Variants in SNX29 observed in about 807,000 individuals in gnomAD.
SNX29 encodes the protein sorting nexin 29.
A neutral mutation model predicts 102.1 loss-of-function variants in SNX29; 78 were observed. That is an observed-to-expected ratio of 0.76 (90% confidence interval 0.64 to 0.92). The LOEUF (loss-of-function observed/expected upper bound fraction) is 0.92, where lower values mean the gene tolerates loss of function less well. SNX29 is among the 40% of genes least tolerant of loss of function. SNX29 has a pLI of 0.00. For synonymous variants in SNX29, 580 were observed against 414.5 expected, an observed-to-expected ratio of 1.40 and a Z score of -4.85; for missense variants, 1,280 against 1,061.7, an observed-to-expected ratio of 1.21 and a Z score of -2.86.
intron 18 of SNX29, among the ~76,000 whole-genome samples, chr16:12,420,735 T>A (rs1292263442): frequency 1.3e-5 from 2 of 152,078 alleles, no homozygotes; most frequent in Non-Finnish European, 1.5e-5. Context: ...GAGTACTCAG[T>A]CAAGGTGAGA....
At chr16:12,426,676 A>T (rs1360751947) in intron 18 of SNX29, among the ~76,000 whole-genome samples, 1 of 152,066 alleles carries the variant, frequency 6.6e-6, no homozygotes, top group Non-Finnish European at 1.5e-5. Context: ...AAAATTATTT[A>T]TTTTTTTGAG....
intron 15 of SNX29, among the ~76,000 whole-genome samples, chr16:12,350,856 A>G (rs540358193): frequency 6.6e-6 from 1 of 152,210 alleles, no homozygotes; most frequent in African/African-American, 2.4e-5. Context: ...AAGACCCAGA[A>G]ATCCGCATTT....
At chr16:12,542,456 C>G (rs1341139632) in intron 20 of SNX29, among the ~76,000 whole-genome samples, 1 of 152,214 alleles carries the variant, frequency 6.6e-6, no homozygotes, top group Admixed American at 6.5e-5. Flanking sequence ...CTCAGCTTCC[C>G]AAGTAGCTGG....
intron 13 of SNX29, 87 bp downstream of exon 13, chr16:12,129,845 C>A: frequency 2.5e-5 from 36 of 1,442,218 alleles, no homozygotes; most frequent in Non-Finnish European, 3.2e-5. Flanking sequence ...TGGCTCATGC[C>A]TGTAATCCCA....
At chr16:12,107,806 C>T (rs963731495) in intron 11 of SNX29, among the ~76,000 whole-genome samples, 12 of 152,086 alleles carry the variant, frequency 7.9e-5, no homozygotes, top group Non-Finnish European at 1.3e-4. Context: ...GGCCCAGAAG[C>T]AGGTGTTCTG....
intron 13 of SNX29, among the ~76,000 whole-genome samples, chr16:12,193,112 G>A (rs2076684855): frequency 6.6e-6 from 1 of 152,194 alleles, no homozygotes; most frequent in African/African-American, 2.4e-5. Context: ...TGCAATTACA[G>A]GAATGTGCCA....
chr16:12,258,306 C>T (rs537672074), intron 14 of SNX29, among the ~76,000 whole-genome samples: 4 of 152,320 alleles, frequency 2.6e-5, no homozygotes, highest in African/African-American at 9.6e-5. Context: ...AGTGGCCTTT[C>T]TGTTCCCGGA....
intron 18 of SNX29, among the ~76,000 whole-genome samples, chr16:12,409,240 G>A (rs1343498782): frequency 6.6e-6 from 1 of 152,168 alleles, no homozygotes; most frequent in Non-Finnish European, 1.5e-5. Flanking sequence ...ACTCAATCCA[G>A]TACCTTGTTT....
intron 4 of SNX29, among the ~76,000 whole-genome samples, chr16:12,041,528 T>C (rs2049879418): frequency 6.6e-6 from 1 of 152,244 alleles, no homozygotes; most frequent in Non-Finnish European, 1.5e-5. Context: ...TCAGTTTCAC[T>C]GGGCTAAAGT....
At chr16:12,403,876 G>C (rs2084059381) in intron 18 of SNX29, among the ~76,000 whole-genome samples, 1 of 152,186 alleles carries the variant, frequency 6.6e-6, no homozygotes, top group Admixed American at 6.5e-5. Context: ...CCTGCCATCA[G>C]GAACCTGCTG....
At chr16:12,209,409 C>G (rs924169897) in intron 14 of SNX29, among the ~76,000 whole-genome samples, 1 of 152,184 alleles carries the variant, frequency 6.6e-6, no homozygotes, top group African/African-American at 2.4e-5. Context: ...AGACTGGTTT[C>G]AAACTCCTGG....
chr16:12,246,728 A>T (rs557003259), intron 14 of SNX29, among the ~76,000 whole-genome samples: 1 of 152,350 alleles, frequency 6.6e-6, no homozygotes, highest in East Asian at 1.9e-4. Flanking sequence ...ACCAGCACAG[A>T]AGGGCCAATT....
At chr16:12,069,274 C>CT (rs796662013) in intron 10 of SNX29, 142 bp downstream of exon 10, 666 of 691,516 alleles carry the variant, frequency 9.6e-4, no homozygotes, top group South Asian at 1.2e-3. Context: ...CAGATTTAGT[C>CT]TTTTTTTTTG....
At chr16:12,370,494 AG>A (rs1265608470) in intron 16 of SNX29, among the ~76,000 whole-genome samples, 2 of 152,182 alleles carry the variant, frequency 1.3e-5, no homozygotes, top group African/African-American at 4.8e-5. Flanking sequence ...TGGGAGGTGG[AG>A]GTTGCAGCAA....
rs149024694 is a variant in SNX29 at position 12,387,622 on chromosome 16, C to T, written c.1900-10824C>T. Among the ~76,000 whole-genome samples, 633 of 152,230 alleles carry T rather than the reference C, an allele frequency of 4.2e-3. 16 individuals carry two copies. Among genetic ancestry groups the T allele is most frequent in the Admixed American group, 0.038 (585 of 15,294 alleles). Reference sequence around the variant, plus strand: ...TGCTGGGCATTTTAAAATAGGATGTCGCAGGCGTCGTGGTGGGTGAGTACT... The same window carrying T: ...TGCTGGGCATTTTAAAATAGGATGTTGCAGGCGTCGTGGTGGGTGAGTACT... On this transcript the variant is annotated intron_variant, in intron 16 of 20. Transcript: ENST00000566228.
chr16:12,564,620 C>G (rs1196867902), intron 20 of SNX29, among the ~76,000 whole-genome samples: 1 of 151,398 alleles, frequency 6.6e-6, no homozygotes, highest in Admixed American at 6.6e-5. Context: ...AGACCTAGTC[C>G]CAGCATTAAC....
chr16:12,393,420 T>TCATTCATTCATGCATGCATGCATGCATG (rs2083608481), intron 16 of SNX29, among the ~76,000 whole-genome samples: 1 of 106,872 alleles, frequency 9.4e-6, no homozygotes, highest in African/African-American at 2.6e-5. Flanking sequence ...ATGCATTCAT[T>TCATTCATTCATGCATGCATGCATGCATG]CATTCATTCA....
Position 12,551,080 on chromosome 16 carries a change from G to T in SNX29, c.2319-17426G>T, listed in dbSNP as rs567038652. ...AAGTGGGGTGTTTTCATCTCCATGT[G>T]ATCCTCTCTTTGCTTGGATGAAATC... On this transcript the variant is annotated intron_variant, in intron 20 of 20. Transcript: ENST00000566228. Among the ~76,000 whole-genome samples, 18 of 152,240 alleles carry T rather than the reference G, an allele frequency of 1.2e-4. No individual in the cohort carries two copies. In the East Asian group the frequency reaches 3.5e-3, roughly 29 times the overall value.
intron 18 of SNX29, among the ~76,000 whole-genome samples, chr16:12,432,357 C>G (rs2085348604): frequency 6.6e-6 from 1 of 152,176 alleles, no homozygotes; most frequent in African/African-American, 2.4e-5. Context: ...TTTTGGGGTC[C>G]AGGCTGTCAC....
Sources: gnomAD v4.1 joint callset for allele counts (sites outside exome capture counted in the v4.1 genomes callset) on GRCh38, gnomAD v4.1.1 for gene constraint, MANE v1.5 for transcripts, NCBI Gene and HGNC (gene_info 2026-07-23, HGNC 2026-07-21) for gene names.